Variants in NFKB1 observed in about 807,000 individuals in gnomAD.
NFKB1 encodes nuclear factor NF-kappa-B p105 subunit.
Under a neutral mutation model 105.1 loss-of-function variants are expected in NFKB1, and 9 were observed. That is an observed-to-expected ratio of 0.09 (90% CI 0.05 to 0.15). The LOEUF (loss-of-function observed/expected upper bound fraction) is 0.15. NFKB1 is among the 10% of genes least tolerant of loss of function. The pLI is 1.00. For missense variants in NFKB1, 830 were observed against 1,203.7 expected (o/e 0.69, Z 4.59); for synonymous variants, 440 against 442.2 (o/e 1.00, Z 0.06).
rs1374371369 is a variant in NFKB1, at chr4:102,593,529, A to G, written c.1171A>G (p.Ser391Gly). The G allele has an allele frequency of 1.9e-6, 3 of 1,613,758 alleles. No homozygotes were observed. In the South Asian group the frequency reaches 3.3e-5, roughly 18 times the overall value. Residue 391 changes from serine (S) to glycine (G), a missense_variant, in exon 12 of 24, where the codon AGT becomes GGT. Ser to Gly is a moderately conservative substitution (Grantham distance 56). Transcript: ENST00000226574. ...AGAGGGGMFG[S>G]GGGGGGTGST... ...AGCTGGAGGCGGAGGCATGTTTGGTAGTGGCGGTGGAGGAGGGGGCACTGG... is the reference window on the plus strand; with the variant it reads ...AGCTGGAGGCGGAGGCATGTTTGGTGGTGGCGGTGGAGGAGGGGGCACTGG...
intron 16 of NFKB1, among the ~76,000 whole-genome samples, chr4:102,602,098 A>AT (rs1398248557): frequency 2.0e-5 from 3 of 152,220 alleles, no homozygotes; most frequent in African/African-American, 7.2e-5. Flanking sequence ...CTCAGTTTTT[A>AT]TAGCAGTGAT....
At position 102,580,620 on chromosome 4, in the gene NFKB1, T is replaced by A; in HGVS notation, c.816T>A (p.Leu272=). ...CTGGAGGGGAGGAAATTTATCTTCT[T>A]TGTGACAAAGTTCAGAAAGGTAAAT... ...CVTGGEEIYL[L]CDKVQKDDIQ... The change falls in exon 9 of 24, where the codon CTT becomes CTA. Residue 272 remains leucine (L), a synonymous_variant. Coordinates refer to ENST00000226574, the MANE Select transcript of NFKB1 (RefSeq NM_003998.4). 6.2e-7 allele frequency: 1 copy of A among 1,613,682 alleles called. No homozygotes were observed. Among genetic ancestry groups the A allele is most frequent in the African/African-American group, 1.3e-5 (1 of 74,992 alleles).
At position 102,576,958 on chromosome 4, in the gene NFKB1, A is replaced by G; in HGVS notation, c.490A>G (p.Arg164Gly). 6.2e-7 allele frequency: 1 copy of G among 1,613,982 alleles called. No homozygotes were observed. The highest frequency in any genetic ancestry group is 8.5e-7 in the Non-Finnish European group (1 of 1,179,954). Reference protein sequence around the residue: ...LEARMTEACIRGYNPGLLVHP... With the variant: ...LEARMTEACIGGYNPGLLVHP... ...AGCACGAATGACAGAGGCGTGTATA[A>G]GGGGCTATAATCCTGGACTCTTGGT... Residue 164 changes from arginine (R) to glycine (G), a missense_variant, in exon 7 of 24, where the codon AGG becomes GGG. Arg to Gly is a moderately radical substitution (Grantham distance 125, BLOSUM62 -2). This residue lies in a region of NFKB1 where 80 missense variants were observed against 122.6 expected (regional missense o/e 0.65). Transcript: ENST00000226574.
Position 102,509,306 on chromosome 4 carries a change from A to T in NFKB1, c.-8+7518A>T, listed in dbSNP as rs903596008. On this transcript the variant is annotated intron_variant, in intron 1 of 23. Coordinates refer to ENST00000226574, the MANE Select transcript of NFKB1 (RefSeq NM_003998.4). ...CTTAGAAACTTTAAAAATATTTCCTATTTTAAACCATTACATAATCATTTA... is the reference window on the plus strand; with the variant it reads ...CTTAGAAACTTTAAAAATATTTCCTTTTTTAAACCATTACATAATCATTTA... Among the ~76,000 whole-genome samples the T allele has an allele frequency of 2.6e-5, 4 of 152,202 alleles. No homozygotes were observed. The East Asian group carries it at 7.7e-4, about 29-fold the overall frequency.
Position 102,596,311 on chromosome 4 carries a change from G to C in NFKB1, c.1474G>C (p.Glu492Gln). 1 of 1,609,982 alleles carries C rather than the reference G, an allele frequency of 6.2e-7. No homozygotes were observed. The highest frequency in any genetic ancestry group is 8.5e-7 in the Non-Finnish European group (1 of 1,177,358). The change falls in exon 14 of 24, where the codon GAA becomes CAA. Residue 492 changes from glutamate to glutamine, a missense_variant. Around this residue, in one of 8 missense-constraint regions of NFKB1, gnomAD observed 163 missense variants for 164.3 expected, o/e 0.99. Transcript: ENST00000226574. Reference protein sequence around the residue: ...VTLTYATGTKEESAGVQDNLF... With the variant: ...VTLTYATGTKQESAGVQDNLF... ...TCTAACGTATGCAACAGGAACAAAAGAAGAGAGTGCTGGAGTTCAGGGTAA... is the reference window on the plus strand; with the variant it reads ...TCTAACGTATGCAACAGGAACAAAACAAGAGAGTGCTGGAGTTCAGGGTAA...
At chr4:102,578,518 C>T in intron 7 of NFKB1, 3 of 283,962 alleles carry the variant, frequency 1.1e-5, no homozygotes, top group Non-Finnish European at 2.0e-5. Context: ...GCACACTTCT[C>T]AATACAGCTG....
intron 1 of NFKB1, 125 bp from the exon 2 acceptor site, chr4:102,525,386 CA>C (rs1740844722): frequency 2.5e-6 from 2 of 814,674 alleles, no homozygotes; most frequent in African/African-American, 3.5e-5. Context: ...CTATGGTCTT[CA>C]AAAAAGGATT....
intron 5 of NFKB1, among the ~76,000 whole-genome samples, chr4:102,551,953 G>A (rs1285409221): frequency 1.1e-4 from 16 of 152,166 alleles, no homozygotes; most frequent in Non-Finnish European, 1.8e-4. Flanking sequence ...TAGCAGCAAC[G>A]CATGCAAAGA....
intron 5 of NFKB1, among the ~76,000 whole-genome samples, chr4:102,540,753 A>G (rs1741946324): frequency 6.6e-6 from 1 of 152,158 alleles, no homozygotes; most frequent in African/African-American, 2.4e-5. Context: ...AAGGATGGGT[A>G]GGAGAGAAAG....
Position 102,613,523 on chromosome 4 carries a change from G to A in NFKB1, c.2691G>A (p.Lys897=), listed in dbSNP as rs372519363. 1.1e-5 allele frequency: 18 copies of A among 1,613,748 alleles called. No homozygotes were observed. In the African/African-American group the frequency reaches 1.9e-4, roughly 17 times the overall value. ...EVIQAASSPV[K]TTSQAHSLPL... is the part of the protein sequence containing the mutation. ...TCCAGGCAGCCTCCAGCCCAGTGAA[G>A]ACCACCTCTCAGGCCCACTCGCTGC... Residue 897 remains lysine, a synonymous_variant, in exon 23 of 24, where the codon AAG becomes AAA. Coordinates refer to ENST00000226574, the MANE Select transcript of NFKB1 (RefSeq NM_003998.4).
chr4:102,551,708 G>A (rs1488750788), intron 5 of NFKB1, among the ~76,000 whole-genome samples: 1 of 152,078 alleles, frequency 6.6e-6, no homozygotes, highest in Admixed American at 6.6e-5. Flanking sequence ...TCTAGTGATA[G>A]GTTCCAGGGA....
intron 1 of NFKB1, among the ~76,000 whole-genome samples, chr4:102,502,700 G>A (rs1374922565): frequency 6.6e-6 from 1 of 152,014 alleles, no homozygotes; most frequent in Non-Finnish European, 1.5e-5. Flanking sequence ...AACTCAAATG[G>A]GACTTAATGA....
intron 18 of NFKB1, 38 bp downstream of exon 18, chr4:102,607,357 T>C (rs1727865203): frequency 5.7e-6 from 9 of 1,589,756 alleles, no homozygotes; most frequent in Non-Finnish European, 7.7e-6. Flanking sequence ...ATTAAATTTC[T>C]GAGGGAGATT....
chr4:102,560,016 T>G (rs2149157906), intron 5 of NFKB1, among the ~76,000 whole-genome samples: 1 of 151,996 alleles, frequency 6.6e-6, no homozygotes, highest in South Asian at 2.1e-4. Context: ...ATACATTATT[T>G]TCTGTTTAAA....
chr4:102,598,710 A>C (rs895640156), intron 15 of NFKB1, among the ~76,000 whole-genome samples: 15 of 152,366 alleles, frequency 9.8e-5, no homozygotes, highest in African/African-American at 3.6e-4. Context: ...AAAAGCAGTT[A>C]ACCAAGACAG....
At chr4:102,611,726 G>T (rs1480888988) in intron 20 of NFKB1, among the ~76,000 whole-genome samples, 1 of 152,210 alleles carries the variant, frequency 6.6e-6, no homozygotes, top group Non-Finnish European at 1.5e-5. Context: ...AGCAGGAGAT[G>T]ATTGACATGG....
chr4:102,613,357 TCAGTGCTTA>T, intron 22 of NFKB1, 59 bp from the exon 23 acceptor site: 1 of 1,531,378 alleles, frequency 6.5e-7, no homozygotes, highest in Admixed American at 1.7e-5. Context: ...GGGTGGGCTG[TCAGTGCTTA>T]CAGCCTGCAC....
intron 1 of NFKB1, among the ~76,000 whole-genome samples, chr4:102,502,363 TC>T (rs1278498409): frequency 2.8e-4 from 21 of 75,796 alleles, no homozygotes; most frequent in African/African-American, 1.1e-3. Context: ...CTCTCCCCCC[TC>T]CCCCCCTCCG....
At position 102,510,862 on chromosome 4, in the gene NFKB1, T is replaced by C. The variant is rs1222694784; in HGVS notation, c.-8+9074T>C. 4 of 1,101,810 alleles carry C rather than the reference T, an allele frequency of 3.6e-6. No homozygotes were observed. The East Asian group carries it at 1.9e-4, about 51-fold the overall frequency. The allele number at this position is 1,101,810 out of a possible 1,614,324, so 68.3% of individuals were successfully genotyped here. A position where few individuals can be genotyped will look rare whatever the true frequency, so the allele number is the denominator to read the frequency against. On this transcript the variant is annotated intron_variant, in intron 1 of 23. Coordinates refer to ENST00000226574, the MANE Select transcript of NFKB1 (RefSeq NM_003998.4). ...GGTGGTGGTAGTATGAGCTGAATCC[T>C]CCTCTGTTCCTTCCTAGAAGGAACA...
Sources: gnomAD v4.1 joint callset for allele counts (sites outside exome capture counted in the v4.1 genomes callset) on GRCh38, gnomAD v4.1.1 for gene constraint, gnomAD v4.1.1 regional missense constraint, MANE v1.5 for transcripts, NCBI Gene and HGNC (gene_info 2026-07-23, HGNC 2026-07-21) for gene names.